The following ZSCAN5A variants were observed in gnomAD, a reference collection of about 807,000 sequenced individuals.
ZSCAN5A encodes zinc finger and SCAN domain-containing protein 5A.
ZSCAN5A carries 12 observed loss-of-function variants against 23.7 expected under a neutral mutation model. The observed-to-expected ratio is 0.51, with a 90% confidence interval of 0.32 to 0.82. The LOEUF (loss-of-function observed/expected upper bound fraction) is 0.82, where lower values mean the gene tolerates loss of function less well. Ranked by LOEUF, ZSCAN5A falls within the 40% of genes least tolerant of loss-of-function variation. ZSCAN5A has a pLI of 0.03. For synonymous variants in ZSCAN5A, 257 were observed against 239.9 expected, an observed-to-expected ratio of 1.07 and a Z score of -0.66; for missense variants, 597 against 617.9, an observed-to-expected ratio of 0.97 and a Z score of 0.36.
chr19:56,367,532 T>C (rs2041778429), intron 1 of ZSCAN5A, among the ~76,000 whole-genome samples: 1 of 152,070 alleles, frequency 6.6e-6, no homozygotes, highest in African/African-American at 2.4e-5. Flanking sequence ...ACAATGTGAG[T>C]TGGTAAATAG....
chr19:56,319,364 C>T (rs2041349996), upstream of ZSCAN5A, among the ~76,000 whole-genome samples: 1 of 151,758 alleles, frequency 6.6e-6, no homozygotes, highest in Non-Finnish European at 1.5e-5. Context: ...GATGTGGTGG[C>T]GGGTGCCTGT....
chr19:56,284,569 CA>C (rs1263221652), intron 2 of ZSCAN5A, among the ~76,000 whole-genome samples: 1 of 138,992 alleles, frequency 7.2e-6, no homozygotes, highest in Non-Finnish European at 1.5e-5. Context: ...GGCTGGAGTG[CA>C]GTGGCACAAT....
chr19:56,262,418 T>TG (rs922743743), intron 2 of ZSCAN5A, among the ~76,000 whole-genome samples: 3 of 151,736 alleles, frequency 2.0e-5, no homozygotes, highest in Non-Finnish European at 2.9e-5. Context: ...AATTTTTTTT[T>TG]TTTTGTTTTT....
intron 2 of ZSCAN5A, among the ~76,000 whole-genome samples, chr19:56,260,934 G>A (rs948861263): frequency 8.5e-5 from 13 of 152,268 alleles, no homozygotes; most frequent in African/African-American, 2.2e-4. Context: ...GTGGCTGGGC[G>A]TGGTGGCTCA....
At chr19:56,255,372 A>G (rs55723570) in intron 2 of ZSCAN5A, among the ~76,000 whole-genome samples, 101,750 of 151,888 alleles carry the variant, frequency 0.67, 35,610 homozygotes, top group African/African-American at 0.88. Context: ...TGCCTGTGGT[A>G]GGGAAGACTT....
upstream of ZSCAN5A, chr19:56,315,363 G>GC (rs1267721300): frequency 6.6e-6 from 1 of 152,356 alleles, no homozygotes; most frequent in Non-Finnish European, 1.5e-5. Flanking sequence ...CATGTCGTCT[G>GC]CGGGGAGGTT....
chr19:56,321,421 G>C (rs538893985), intron 2 of ZSCAN5A: 43 of 663,064 alleles, frequency 6.5e-5, no homozygotes, highest in Non-Finnish European at 7.2e-5. Context: ...TTTGCACACA[G>C]AGTCTGTGAA....
intron 2 of ZSCAN5A, among the ~76,000 whole-genome samples, chr19:56,279,389 C>T (rs1340125567): frequency 6.6e-6 from 1 of 152,072 alleles, no homozygotes; most frequent in East Asian, 1.9e-4. Flanking sequence ...TCCTAGCGCT[C>T]AGTAGGACTA....
chr19:56,266,359 AGAT>A, intron 2 of ZSCAN5A: 1 of 152,232 alleles, frequency 6.6e-6, no homozygotes, highest in South Asian at 2.1e-4. Flanking sequence ...CAGTTAAATG[AGAT>A]GATAATGTGT....
In ZSCAN5A at chr19:56,245,980, G is replaced by C. The variant is rs1267603246; in HGVS notation, c.-127-20807C>G. Among the ~76,000 whole-genome samples, 63 of 152,280 alleles carry C rather than the reference G, an allele frequency of 4.1e-4. 1 individual carries two copies. The highest frequency in any genetic ancestry group is 3.3e-3 in the Admixed American group (51 of 15,292). On this transcript the variant is annotated intron_variant, in intron 2 of 5. Coordinates refer to ENST00000683990, the MANE Select transcript of ZSCAN5A (RefSeq NM_001322064.3). ...TGCAGCCCCAATGCCAGTGGTGCCA[G>C]GGGTTAGGGGCCTCCACCTAGAGTC...
chr19:56,246,935 G>A lies in ZSCAN5A; in HGVS notation c.-127-21762C>T, dbSNP rs569402814. The A allele has an allele frequency of 1.1e-4, 178 of 1,581,670 alleles. 1 individual carries two copies. In the African/African-American group the frequency reaches 1.7e-3, roughly 15 times the overall value. On this transcript the variant is annotated intron_variant, in intron 2 of 5. Transcript: ENST00000683990. ...ATTTCCCAAGAAGGGCCTCAAGGAG[G>A]AGCCACACCTGTGGGCAACAGCGAA...
chr19:56,304,945 T>C (rs2040586991), intron 2 of ZSCAN5A: 1 of 259,400 alleles, frequency 3.9e-6, no homozygotes, highest in Admixed American at 6.5e-5. Flanking sequence ...GAAGCTGCAA[T>C]CATAGAAACC....
At chr19:56,251,148 TAAAAAAAAA>T (rs34825803) in intron 2 of ZSCAN5A, among the ~76,000 whole-genome samples, 13 of 131,056 alleles carry the variant, frequency 9.9e-5, no homozygotes, top group African/African-American at 3.7e-4. Flanking sequence ...AGACTCCGTG[TAAAAAAAAA>T]AAAAAAAAAG....
chr19:56,339,239 CGTATTTA>C, intron 2 of ZSCAN5A, among the ~76,000 whole-genome samples: 1 of 152,264 alleles, frequency 6.6e-6, no homozygotes, highest in East Asian at 1.9e-4. Flanking sequence ...CAGTTGTAGC[CGTATTTA>C]GCAATATGCA....
Position 56,274,275 on chromosome 19 carries a change from G to A in ZSCAN5A, c.-128+39008C>T, listed in dbSNP as rs565783535. On this transcript the variant is annotated intron_variant, in intron 2 of 5. Transcript: ENST00000683990. ...TCAAGACCAGCCTGGCCAACATGGC[G>A]AAACCCCATCTCTACTAAAAATACA... Among the ~76,000 whole-genome samples the A allele has an allele frequency of 4.1e-4, 62 of 152,088 alleles. 1 individual carries two copies. In the East Asian group the frequency reaches 0.011, roughly 26 times the overall value.
At chr19:56,300,086 G>C (rs1176308848) in intron 2 of ZSCAN5A, 1 of 152,136 alleles carries the variant, frequency 6.6e-6, no homozygotes, top group Non-Finnish European at 1.5e-5. Flanking sequence ...GGGATATGCT[G>C]GTGTTGGTGA....
intron 2 of ZSCAN5A, among the ~76,000 whole-genome samples, chr19:56,343,612 T>C (rs1391380963): frequency 2.0e-5 from 3 of 152,236 alleles, no homozygotes; most frequent in Non-Finnish European, 4.4e-5. Context: ...GTTCCAAGAC[T>C]AATTTACAGA....
chr19:56,333,387 A>C (rs2041506972), intron 2 of ZSCAN5A, among the ~76,000 whole-genome samples: 1 of 151,766 alleles, frequency 6.6e-6, no homozygotes, highest in Admixed American at 6.6e-5. Context: ...TTTCTTCAAA[A>C]GACCAGACTT....
At chr19:56,311,589 C>G (rs547899632) in intron 2 of ZSCAN5A, among the ~76,000 whole-genome samples, 28 of 152,188 alleles carry the variant, frequency 1.8e-4, no homozygotes, top group Non-Finnish European at 7.4e-5. Flanking sequence ...ATTCTTTTAC[C>G]CCAGGGATCA....
Sources: gnomAD v4.1 joint callset for allele counts (sites outside exome capture counted in the v4.1 genomes callset) on GRCh38, gnomAD v4.1.1 for gene constraint, MANE v1.5 for transcripts, NCBI Gene and HGNC (gene_info 2026-07-23, HGNC 2026-07-21) for gene names.